PSMA8: variants seen among roughly 807,000 people sequenced by gnomAD.
PSMA8 encodes proteasome subunit alpha-type 8.
In PSMA8, 18 loss-of-function variants were observed where a neutral mutation model predicts 32.4. The observed-to-expected ratio is 0.56, with a 90% CI of 0.38 to 0.82. PSMA8 has a LOEUF of 0.82. PSMA8 is among the 40% of genes least tolerant of loss of function. The pLI is 0.00. For missense variants in PSMA8, 298 were observed against 300.7 expected (o/e 0.99, Z 0.07); for synonymous variants, 104 against 98.1 (o/e 1.06, Z -0.36).
chr18:26,140,364 T>G (rs1439813222), intron 1 of PSMA8, among the ~76,000 whole-genome samples: 3 of 152,222 alleles, frequency 2.0e-5, no homozygotes, highest in African/African-American at 7.2e-5. Flanking sequence ...ATACCCACGT[T>G]ACTCTCCTTA....
chr18:26,185,868 A>G (rs979446168), intron 6 of PSMA8, among the ~76,000 whole-genome samples: 3 of 150,672 alleles, frequency 2.0e-5, no homozygotes, highest in Non-Finnish European at 3.0e-5. Context: ...AATGGACTCC[A>G]CATGAAAATA....
chr18:26,175,068 G>GT (rs1361424841), intron 4 of PSMA8, among the ~76,000 whole-genome samples: 1 of 152,168 alleles, frequency 6.6e-6, no homozygotes, highest in Admixed American at 6.5e-5. Flanking sequence ...CACTTGACCA[G>GT]TTTTGCCTTC....
At chr18:26,182,987 G>T (rs928300679) in intron 6 of PSMA8, among the ~76,000 whole-genome samples, 1 of 151,714 alleles carries the variant, frequency 6.6e-6, no homozygotes, top group African/African-American at 2.4e-5. Flanking sequence ...AGCTACTTAG[G>T]AGGCTGAGGC....
chr18:26,178,987 AT>A (rs748337135), intron 5 of PSMA8, 38 bp downstream of exon 5: 43 of 1,604,916 alleles, frequency 2.7e-5, no homozygotes, highest in African/African-American at 4.0e-5. Context: ...GAAATCATGA[AT>A]TTTTTTTCCT....
chr18:26,140,060 A>G (rs1186747986), intron 1 of PSMA8: 2 of 702,820 alleles, frequency 2.8e-6, no homozygotes, highest in Non-Finnish European at 5.2e-6. Context: ...TGTTTCTCTG[A>G]TTGTTCACGA....
chr18:26,135,207 C>A (rs1310624854), intron 1 of PSMA8, among the ~76,000 whole-genome samples: 2 of 152,074 alleles, frequency 1.3e-5, no homozygotes, highest in Admixed American at 1.3e-4. Flanking sequence ...TTAAAGAGGA[C>A]AAAAGTGCCC....
intron 2 of PSMA8, among the ~76,000 whole-genome samples, chr18:26,145,882 T>C (rs902406100): frequency 1.3e-5 from 2 of 152,100 alleles, no homozygotes; most frequent in African/African-American, 2.4e-5. Context: ...TTCCTAAGAG[T>C]ATAGTTGCTG....
At chr18:26,175,592 G>A (rs146042899) in intron 4 of PSMA8, among the ~76,000 whole-genome samples, 2 of 152,284 alleles carry the variant, frequency 1.3e-5, no homozygotes, top group Non-Finnish European at 2.9e-5. Context: ...AAGAGCTGAG[G>A]GCTGTCTGCC....
intron 1 of PSMA8, among the ~76,000 whole-genome samples, chr18:26,134,340 G>GGTGTGTGTGT (rs563053283): frequency 7.4e-6 from 1 of 135,110 alleles, no homozygotes; most frequent in African/African-American, 3.3e-5. Flanking sequence ...TGTGTGTGTG[G>GGTGTGTGTGT]GTGTGTGTGT....
At chr18:26,149,934 A>G (rs2055031849) in intron 2 of PSMA8, among the ~76,000 whole-genome samples, 1 of 152,240 alleles carries the variant, frequency 6.6e-6, no homozygotes, top group African/African-American at 2.4e-5. Context: ...TATTTCATGT[A>G]CCATGTGGAA....
chr18:26,141,375 C>G (rs2054954510), intron 1 of PSMA8, among the ~76,000 whole-genome samples: 1 of 152,042 alleles, frequency 6.6e-6, no homozygotes, highest in Admixed American at 6.6e-5. Flanking sequence ...CTTTTAATTT[C>G]TTTACTAAGT....
At chr18:26,134,340 GGTGTGT>G (rs563053283) in intron 1 of PSMA8, among the ~76,000 whole-genome samples, 1 of 135,110 alleles carries the variant, frequency 7.4e-6, no homozygotes, top group Non-Finnish European at 1.5e-5. Flanking sequence ...TGTGTGTGTG[GGTGTGT>G]GTGTGTGTGT....
chr18:26,157,064 C>T (rs1161625111), intron 3 of PSMA8, among the ~76,000 whole-genome samples: 4 of 151,006 alleles, frequency 2.6e-5, no homozygotes, highest in South Asian at 4.2e-4. Flanking sequence ...GGATTACAGG[C>T]GTGAGCCACT....
At position 26,151,968 on chromosome 18, in the gene PSMA8, G is replaced by A. The variant is rs375557530; in HGVS notation, c.340G>A (p.Ala114Thr). ...TGTAGAATACATAACTCGCTTCATAGCAACTTTAAAGCAGGTAAGCTAATA... is the reference window on the plus strand; with the variant it reads ...TGTAGAATACATAACTCGCTTCATAACAACTTTAAAGCAGGTAAGCTAATA... ...VTVEYITRFI[A>T]TLKQKYTQSN... The change falls in exon 3 of 7, where the codon GCA becomes ACA. Residue 114 changes from alanine (A) to threonine (T), a missense_variant. Coordinates refer to ENST00000415576, the MANE Select transcript of PSMA8 (RefSeq NM_001025096.2). 2.5e-6 allele frequency: 4 copies of A among 1,598,484 alleles called. No individual in the cohort carries two copies. Among genetic ancestry groups the A allele is most frequent in the African/African-American group, 2.7e-5 (2 of 74,120 alleles).
chr18:26,150,102 T>G (rs963099488), intron 2 of PSMA8, among the ~76,000 whole-genome samples: 2 of 152,160 alleles, frequency 1.3e-5, no homozygotes, highest in Non-Finnish European at 2.9e-5. Flanking sequence ...ATTGGAGCCT[T>G]TTGGATTTTT....
chr18:26,148,789 A>G (rs2055023578), intron 2 of PSMA8, among the ~76,000 whole-genome samples: 1 of 152,222 alleles, frequency 6.6e-6, no homozygotes, highest in Admixed American at 6.5e-5. Flanking sequence ...TGTTACAAAT[A>G]ATAAACAAAT....
At chr18:26,151,204 C>T (rs917489661) in intron 2 of PSMA8, among the ~76,000 whole-genome samples, 7 of 152,136 alleles carry the variant, frequency 4.6e-5, no homozygotes, top group Admixed American at 3.3e-4. Context: ...GAAATGACTA[C>T]GCTTCCAAGA....
chr18:26,172,101 TC>T (rs2055226944), intron 4 of PSMA8, among the ~76,000 whole-genome samples: 1 of 152,180 alleles, frequency 6.6e-6, no homozygotes, highest in African/African-American at 2.4e-5. Flanking sequence ...CATCTTTATC[TC>T]AAGATTACCA....
intron 2 of PSMA8, among the ~76,000 whole-genome samples, chr18:26,147,274 A>G (rs1466704133): frequency 2.6e-5 from 4 of 151,908 alleles, no homozygotes; most frequent in Admixed American, 6.6e-5. Context: ...TCAAAATGGA[A>G]TGGAACTAGA....
Sources: gnomAD v4.1 joint callset for allele counts (sites outside exome capture counted in the v4.1 genomes callset) on GRCh38, gnomAD v4.1.1 for gene constraint, MANE v1.5 for transcripts, NCBI Gene and HGNC (gene_info 2026-07-23, HGNC 2026-07-21) for gene names.